CD164: variants seen among roughly 807,000 people sequenced by gnomAD.
CD164 encodes the protein sialomucin core protein 24.
CD164 carries 11 observed loss-of-function variants against 24.6 expected under a neutral mutation model. The ratio of observed to expected loss-of-function variants is 0.45; its 90% CI spans 0.28 to 0.74. The LOEUF (loss-of-function observed/expected upper bound fraction) is 0.74. CD164 is among the 30% of genes least tolerant of loss of function. The pLI, the probability that CD164 is intolerant of heterozygous loss-of-function variation, is 0.13. For missense variants in CD164, 295 were observed against 243.7 expected, an observed-to-expected ratio of 1.21 and a Z score of -1.40; for synonymous variants, 126 against 100.3, an observed-to-expected ratio of 1.26 and a Z score of -1.53.
intron 2 of CD164, 87 bp downstream of exon 2, chr6:109,379,492 A>C (rs1771610668): frequency 1.0e-6 from 1 of 980,928 alleles, no homozygotes; most frequent in Admixed American, 2.1e-5. Context: ...AATATCCTAA[A>C]TGTCCTACAT....
chr6:109,377,866 G>A (rs369727634), intron 3 of CD164, 34 bp downstream of exon 3: 7 of 1,527,478 alleles, frequency 4.6e-6, no homozygotes, highest in East Asian at 2.2e-5. Flanking sequence ...ACCTCTCTGC[G>A]GTCAGCTTCC....
intron 1 of CD164, chr6:109,381,638 T>C (rs1723401554): frequency 2.0e-5 from 14 of 700,724 alleles, no homozygotes; most frequent in South Asian, 1.5e-4. Context: ...TCTATTCCTA[T>C]CTGCAAAACC....
At chr6:109,380,707 C>T (rs1771688927) in intron 1 of CD164, among the ~76,000 whole-genome samples, 2 of 152,224 alleles carry the variant, frequency 1.3e-5, no homozygotes, top group African/African-American at 4.8e-5. Flanking sequence ...TCAGACCACA[C>T]TACATCCACT....
intron 1 of CD164, chr6:109,381,643 A>C: frequency 1.4e-6 from 1 of 699,694 alleles, no homozygotes; most frequent in Admixed American, 2.0e-5. Flanking sequence ...TCCTATCTGC[A>C]AAACCAATGT....
chr6:109,368,016 T>A lies in CD164; in HGVS notation c.*835A>T, dbSNP rs1272012862. 13 of 289,826 alleles carry A rather than the reference T, an allele frequency of 4.5e-5. No homozygotes were observed. 18.0% of individuals were successfully genotyped at this position (289,826 alleles called of 1,614,324 possible). A position where few individuals can be genotyped will look rare whatever the true frequency, so the allele number is the denominator to read the frequency against. On this transcript the variant is annotated 3_prime_UTR_variant, in exon 6 of 6. Transcript: ENST00000310786. ...AGGCTTTCAATTCTGTATAACAGACTTTAGCTTAAGTTTCTCCGCTCTGAA... is the reference window on the plus strand; with the variant it reads ...AGGCTTTCAATTCTGTATAACAGACATTAGCTTAAGTTTCTCCGCTCTGAA...
rs145357332 is a variant in CD164 at position 109,379,644 on chromosome 6, T to C, written c.194A>G (p.Asn65Ser). 8.6e-4 allele frequency: 1,390 copies of C among 1,613,338 alleles called. 3 individuals are homozygous for C. Among genetic ancestry groups the C allele is most frequent in the Non-Finnish European group, 8.2e-4 (970 of 1,179,726 alleles). The change falls in exon 2 of 6, where the codon AAC becomes AGC. Residue 65 changes from asparagine (N) to serine (S), a missense_variant. By Grantham distance (46) the Asn-to-Ser change is conservative. Coordinates refer to ENST00000310786, the MANE Select transcript of CD164 (RefSeq NM_006016.6). ...AACATTAAAACAGGAAACGCAGCTGTTTCGACCTTCACAGGTTTCTGGGGA... is the reference window on the plus strand; with the variant it reads ...AACATTAAAACAGGAAACGCAGCTGCTTCGACCTTCACAGGTTTCTGGGGA... ...TPAPETCEGRNSCVSCFNVSV... is the reference protein window; with the variant it reads ...TPAPETCEGRSSCVSCFNVSV...
chr6:109,374,142 T>TA (rs1771266735), intron 4 of CD164, among the ~76,000 whole-genome samples: 1 of 152,146 alleles, frequency 6.6e-6, no homozygotes, highest in Non-Finnish European at 1.5e-5. Context: ...CATTACTGTT[T>TA]CCTAGAGTCT....
intron 4 of CD164, among the ~76,000 whole-genome samples, chr6:109,374,355 T>C (rs191274972): frequency 6.6e-6 from 1 of 152,176 alleles, no homozygotes. Context: ...GCTCTTCCTC[T>C]TTCTTGCTTA....
chr6:109,376,927 G>A (rs1771441726), intron 3 of CD164, among the ~76,000 whole-genome samples: 1 of 152,186 alleles, frequency 6.6e-6, no homozygotes, highest in Non-Finnish European at 1.5e-5. Flanking sequence ...CTTAAGCCCA[G>A]GAGTTCAAGA....
rs186816094 is a variant in CD164, at chr6:109,374,162, G to A, written c.370+1912C>T. Reference sequence around the variant, plus strand: ...CTGTTTCCTAGAGTCTGGTCTTCAAGCCCCATCCCTTCTTTCTATATGCTC... The same window carrying A: ...CTGTTTCCTAGAGTCTGGTCTTCAAACCCCATCCCTTCTTTCTATATGCTC... On this transcript the variant is annotated intron_variant, in intron 4 of 5. Coordinates refer to ENST00000310786, the MANE Select transcript of CD164 (RefSeq NM_006016.6). Among the ~76,000 whole-genome samples, 4 of 152,092 alleles carry A rather than the reference G, an allele frequency of 2.6e-5. No individual in the cohort carries two copies. The East Asian group carries it at 7.7e-4, about 29-fold the overall frequency.
intron 4 of CD164, chr6:109,371,990 G>A (rs1051144885): frequency 6.6e-6 from 1 of 152,144 alleles, no homozygotes; most frequent in African/African-American, 2.4e-5. Flanking sequence ...CAGAAAAAAG[G>A]GTTTGAAGGC....
At chr6:109,379,716 T>C (rs1771626905) in intron 1 of CD164, 54 bp from the exon 2 acceptor site, 2 of 1,311,666 alleles carry the variant, frequency 1.5e-6, no homozygotes, top group African/African-American at 1.5e-5. Context: ...TAGTATCTTA[T>C]TTGAATCTGT....
In CD164 at chr6:109,368,316, CA is replaced by C; in HGVS notation, c.*534del. On this transcript the variant is annotated 3_prime_UTR_variant, in exon 6 of 6. Coordinates refer to ENST00000310786, the MANE Select transcript of CD164 (RefSeq NM_006016.6). ...ATCTGGAATGTAGTTCCTTGTGTGG[CA>C]TCTTATTTCTAATGTAGAAAAAACA... The C allele has an allele frequency of 6.5e-7, 1 of 1,541,858 alleles. No individual in the cohort carries two copies. The highest frequency in any genetic ancestry group is 1.2e-5 in the South Asian group (1 of 82,844).
rs1354713576 is a variant in CD164 at position 109,376,475 on chromosome 6, G to A, written c.332-363C>T. Among the ~76,000 whole-genome samples the A allele has an allele frequency of 2.6e-5, 4 of 152,178 alleles. No individual in the cohort carries two copies. In the East Asian group the frequency reaches 7.7e-4, roughly 29 times the overall value. ...AATCAATGTGATGGCTGGAACATAA[G>A]GACCCACCTTGGACAGTAGGGTCAA... is the stretch of plus-strand genomic sequence containing the variant. On this transcript the variant is annotated intron_variant, in intron 3 of 5. Coordinates refer to ENST00000310786, the MANE Select transcript of CD164 (RefSeq NM_006016.6).
chr6:109,379,157 C>A (rs1323519966), intron 2 of CD164, among the ~76,000 whole-genome samples: 1 of 152,172 alleles, frequency 6.6e-6, no homozygotes, highest in Non-Finnish European at 1.5e-5. Flanking sequence ...GTTTTCAACA[C>A]AACCTTCACT....
intron 4 of CD164, among the ~76,000 whole-genome samples, chr6:109,374,909 G>A (rs1442231212): frequency 2.6e-5 from 4 of 151,928 alleles, no homozygotes; most frequent in African/African-American, 9.7e-5. Flanking sequence ...TTCCCAATAC[G>A]CTGTGCTCAC....
chr6:109,372,593 C>A (rs1309508125), intron 4 of CD164: 1 of 152,130 alleles, frequency 6.6e-6, no homozygotes, highest in Non-Finnish European at 1.5e-5. Context: ...AAACAGTTCT[C>A]TCAACTCTCC....
chr6:109,381,860 G>C, intron 1 of CD164: 1 of 486,594 alleles, frequency 2.1e-6, no homozygotes, highest in Non-Finnish European at 3.6e-6. Context: ...CAACCCCACC[G>C]CTGCCCCCGC....
chr6:109,377,809 TCAAA>T (rs1771499074), intron 3 of CD164, 87 bp downstream of exon 3: 1 of 877,144 alleles, frequency 1.1e-6, no homozygotes, highest in Admixed American at 1.7e-5. Flanking sequence ...TGGCAATGCT[TCAAA>T]CAAAGCACTG....
Sources: allele counts gnomAD v4.1 joint callset (sites outside exome capture counted in the v4.1 genomes callset), GRCh38; gene constraint gnomAD v4.1.1; transcripts MANE v1.5; gene names NCBI Gene and HGNC (gene_info 2026-07-23, HGNC 2026-07-21).